Variants in CEP162 observed in about 807,000 individuals in gnomAD.
CEP162 encodes the protein centrosomal protein 162.
A neutral mutation model predicts 169.2 loss-of-function variants in CEP162; 141 were observed. The observed-to-expected ratio is 0.83, with a 90% CI of 0.73 to 0.96. The LOEUF (loss-of-function observed/expected upper bound fraction) is 0.96. Among genes scored for constraint, CEP162 ranks in the 40% least tolerant of loss-of-function variants. The probability of loss-of-function intolerance (pLI) is 0.00; values close to 1 mark genes in which losing one functional copy is unlikely to be tolerated. For synonymous variants in CEP162, 540 were observed against 526.4 expected, an observed-to-expected ratio of 1.03 and a Z score of -0.35; for missense variants, 1,600 against 1,587.2, an observed-to-expected ratio of 1.01 and a Z score of -0.14.
At chr6:84,150,655 A>C (rs1181535918) in intron 23 of CEP162, among the ~76,000 whole-genome samples, 1 of 152,164 alleles carries the variant, frequency 6.6e-6, no homozygotes, top group East Asian at 1.9e-4. Flanking sequence ...AATATTAACA[A>C]ATTTTAAATG....
rs200913154 is a variant in CEP162 at position 84,185,371 on chromosome 6, A to G, written c.1479T>C (p.Ser493=). The G allele has an allele frequency of 3.1e-6, 5 of 1,613,440 alleles. No homozygotes were observed. The highest frequency in any genetic ancestry group is 3.4e-6 in the Non-Finnish European group (4 of 1,179,596). The change falls in exon 13 of 27, where the codon AGT becomes AGC. Residue 493 remains serine (S), a synonymous_variant. Coordinates refer to ENST00000403245, the MANE Select transcript of CEP162 (RefSeq NM_014895.4). ...GKQVPYKKAR[S]APPLLKRKPQ... is the part of the protein sequence containing the mutation. ...GTTTCCTTTTAAGTAAAGGAGGTGC[A>G]CTTCTGGCCTTCTTGTATGGTACCT...
Position 84,169,439 on chromosome 6 carries a change from T to A in CEP162, c.2280-6A>T. ...GACTTTTGTGCATCTGTTCTCTAAT[T>A]TATTTTGAAAATAAAAAGTTGTTTT... On this transcript the variant is annotated splice_region_variant and splice_polypyrimidine_tract_variant and intron_variant, in intron 17 of 26. Transcript: ENST00000403245. The A allele has an allele frequency of 6.6e-7, 1 of 1,513,238 alleles. No individual in the cohort carries two copies. Among genetic ancestry groups the A allele is most frequent in the African/African-American group, 1.4e-5 (1 of 72,140 alleles). 93.7% of individuals were successfully genotyped at this position (1,513,238 alleles called of 1,614,324 possible). A position where few individuals can be genotyped will look rare whatever the true frequency, so the allele number is the denominator to read the frequency against.
intron 21 of CEP162, among the ~76,000 whole-genome samples, chr6:84,159,519 TTATTTATA>T (rs1330159771): frequency 4.8e-5 from 5 of 104,346 alleles, no homozygotes; most frequent in African/African-American, 2.1e-4. Context: ...TTAAAATTAA[TTATTTATA>T]TATATATATA....
In CEP162 at chr6:84,129,843, C is replaced by G. The variant is rs145192227; in HGVS notation, c.3871-3331G>C. 6.2e-3 allele frequency among the ~76,000 whole-genome samples: 950 copies of G among 152,212 alleles called. 4 individuals are homozygous for G. Among genetic ancestry groups the G allele is most frequent in the African/African-American group, 0.022 (914 of 41,496 alleles). On this transcript the variant is annotated intron_variant, in intron 25 of 26. Transcript: ENST00000403245. ...ACTTCCTCTCTTCCTATGTGACTAC[C>G]CTTTATTTCTTTTTCTTGCCTGATT...
At chr6:84,206,206 T>C (rs1183058380) in intron 6 of CEP162, among the ~76,000 whole-genome samples, 1 of 149,142 alleles carries the variant, frequency 6.7e-6, no homozygotes, top group East Asian at 1.9e-4. Context: ...CTTCACAGAA[T>C]TGGAAAAAAC....
At chr6:84,137,896 G>C (rs1043469017) in intron 25 of CEP162, among the ~76,000 whole-genome samples, 3 of 152,134 alleles carry the variant, frequency 2.0e-5, no homozygotes, top group Non-Finnish European at 4.4e-5. Flanking sequence ...TCCTTAATAA[G>C]ATTTTCACCC....
intron 3 of CEP162, chr6:84,219,323 G>C: frequency 2.5e-6 from 1 of 396,062 alleles, no homozygotes; most frequent in Non-Finnish European, 5.0e-6. Context: ...CATTGTCAAA[G>C]TTTGCTTCTT....
chr6:84,225,535 G>A (rs765989265), intron 2 of CEP162, among the ~76,000 whole-genome samples: 38 of 152,218 alleles, frequency 2.5e-4, no homozygotes, highest in Non-Finnish European at 5.1e-4. Context: ...TACACAGAAC[G>A]TGGTATAACC....
At chr6:84,223,226 C>A (rs527945788) in intron 2 of CEP162, among the ~76,000 whole-genome samples, 1 of 152,088 alleles carries the variant, frequency 6.6e-6, no homozygotes, top group Non-Finnish European at 1.5e-5. Flanking sequence ...ACAGGCCGGG[C>A]GTGGTGGCTC....
At chr6:84,226,689 G>A (rs957484519) in intron 1 of CEP162, among the ~76,000 whole-genome samples, 3 of 152,194 alleles carry the variant, frequency 2.0e-5, no homozygotes, top group Non-Finnish European at 4.4e-5. Context: ...ACATCCAATT[G>A]TTAAAGAGTG....
chr6:84,202,078 G>C (rs1459508810), intron 7 of CEP162, among the ~76,000 whole-genome samples: 2 of 152,102 alleles, frequency 1.3e-5, no homozygotes, highest in African/African-American at 4.8e-5. Flanking sequence ...AGAATTCTCT[G>C]GTTTTTTTGA....
Position 84,215,240 on chromosome 6 carries a change from T to A in CEP162, c.503+42A>T, listed in dbSNP as rs746596072. On this transcript the variant is annotated intron_variant, in intron 5 of 26. Coordinates refer to ENST00000403245, the MANE Select transcript of CEP162 (RefSeq NM_014895.4). ...CACATATATCAGCCTTCCAAAAACA[T>A]AGAAATCATAAAAATCATTAATAGT... 1.1e-5 allele frequency: 13 copies of A among 1,165,570 alleles called. No homozygotes were observed. In the South Asian group the frequency reaches 1.3e-4, roughly 12 times the overall value. 72.2% of individuals were successfully genotyped at this position (1,165,570 alleles called of 1,614,324 possible).
At position 84,124,358 on chromosome 6, in the gene CEP162, T is replaced by G. The variant is rs1443971282; in HGVS notation, c.*712A>C. Reference sequence around the variant, plus strand: ...GGATAAAGAAAACGTGAGATATATATAGAGAGAGATATATAAATGGAGTAT... The same window carrying G: ...GGATAAAGAAAACGTGAGATATATAGAGAGAGAGATATATAAATGGAGTAT... On this transcript the variant is annotated 3_prime_UTR_variant, in exon 27 of 27. Coordinates refer to ENST00000403245, the MANE Select transcript of CEP162 (RefSeq NM_014895.4). 2 of 152,012 alleles carry G rather than the reference T, an allele frequency of 1.3e-5. No homozygotes were observed. Among genetic ancestry groups the G allele is most frequent in the Admixed American group, 1.3e-4 (2 of 15,234 alleles). The allele number at this position is 152,012 out of a possible 1,614,324, so 9.4% of individuals were successfully genotyped here. A position where few individuals can be genotyped will look rare whatever the true frequency, so the allele number is the denominator to read the frequency against.
At chr6:84,141,694 G>T (rs1190984743) in intron 25 of CEP162, among the ~76,000 whole-genome samples, 4 of 152,150 alleles carry the variant, frequency 2.6e-5, no homozygotes, top group African/African-American at 9.7e-5. Flanking sequence ...TAGGTTACTT[G>T]TGTAAATACT....
At chr6:84,138,937 G>A (rs962248469) in intron 25 of CEP162, among the ~76,000 whole-genome samples, 13 of 152,178 alleles carry the variant, frequency 8.5e-5, no homozygotes, top group Admixed American at 3.3e-4. Flanking sequence ...TGACACTTGC[G>A]TAATTGTAGA....
intron 23 of CEP162, among the ~76,000 whole-genome samples, chr6:84,151,445 G>C (rs562193937): frequency 6.6e-6 from 1 of 152,064 alleles, no homozygotes; most frequent in South Asian, 2.1e-4. Flanking sequence ...GCTTGGGAAG[G>C]GGAACTAATT....
chr6:84,136,905 C>T (rs1041513853), intron 25 of CEP162, among the ~76,000 whole-genome samples: 6 of 152,186 alleles, frequency 3.9e-5, no homozygotes, highest in African/African-American at 1.2e-4. Context: ...ATCGGCCACA[C>T]ACCAGGCACC....
intron 13 of CEP162, among the ~76,000 whole-genome samples, chr6:84,177,434 G>A (rs2099532862): frequency 6.6e-6 from 1 of 152,224 alleles, no homozygotes; most frequent in Admixed American, 6.5e-5. Flanking sequence ...CACGTGGCCT[G>A]TATGTGGCAG....
chr6:84,147,789 A>G (rs1350620173), intron 24 of CEP162, among the ~76,000 whole-genome samples: 1 of 152,178 alleles, frequency 6.6e-6, no homozygotes, highest in East Asian at 1.9e-4. Context: ...TGGCTTAAAT[A>G]TAACATAAGC....
Sources: allele counts gnomAD v4.1 joint callset (sites outside exome capture counted in the v4.1 genomes callset), GRCh38; gene constraint gnomAD v4.1.1; transcripts MANE v1.5; gene names NCBI Gene and HGNC (gene_info 2026-07-23, HGNC 2026-07-21).